The following COPZ1 variants were observed in gnomAD, a reference collection of about 807,000 sequenced individuals.
COPZ1 encodes coatomer subunit zeta-1.
COPZ1 carries 4 observed loss-of-function variants against 31.7 expected under a neutral mutation model. The observed-to-expected ratio is 0.13, with a 90% CI of 0.06 to 0.29. The LOEUF (loss-of-function observed/expected upper bound fraction) is 0.29. COPZ1 is among the 10% of genes least tolerant of loss of function. The pLI, the probability that COPZ1 is intolerant of heterozygous loss-of-function variation, is 1.00. For missense variants in COPZ1, 156 were observed against 211.5 expected (o/e 0.74, Z 1.63); for synonymous variants, 74 against 79.0 (o/e 0.94, Z 0.33).
intron 1 of COPZ1, among the ~76,000 whole-genome samples, chr12:54,332,338 G>T (rs781069336): frequency 2.6e-5 from 4 of 151,940 alleles, no homozygotes; most frequent in Non-Finnish European, 4.4e-5. Context: ...CAACAGACAG[G>T]CTTTCTGAGT....
At chr12:54,337,971 G>A (rs1170850903) in intron 1 of COPZ1, among the ~76,000 whole-genome samples, 3 of 152,184 alleles carry the variant, frequency 2.0e-5, no homozygotes, top group Non-Finnish European at 2.9e-5. Context: ...TCTCTTTGCC[G>A]GTGTGGCTGT....
chr12:54,342,529 T>C, intron 3 of COPZ1: 1 of 527,192 alleles, frequency 1.9e-6, no homozygotes, highest in South Asian at 2.2e-5. Context: ...GAGCCTCACT[T>C]GACAAATTTA....
chr12:54,327,368 C>T (rs997880857), intron 1 of COPZ1, among the ~76,000 whole-genome samples: 2 of 151,402 alleles, frequency 1.3e-5, no homozygotes, highest in Non-Finnish European at 2.9e-5. Context: ...GTGATCTCAC[C>T]TCACTGCAAC....
intron 1 of COPZ1, 128 bp downstream of exon 1, chr12:54,325,309 T>A (rs1474327505): frequency 3.2e-6 from 4 of 1,255,788 alleles, no homozygotes; most frequent in Non-Finnish European, 4.3e-6. Context: ...TCTGCTGACC[T>A]TTGGAATAAG....
chr12:54,347,225 C>T (rs1014031818), intron 5 of COPZ1, among the ~76,000 whole-genome samples: 11 of 152,160 alleles, frequency 7.2e-5, no homozygotes, highest in Admixed American at 1.3e-4. Context: ...CCACATGCAC[C>T]AACCAACGGA....
intron 4 of COPZ1, among the ~76,000 whole-genome samples, chr12:54,344,439 C>T (rs150297014): frequency 2.8e-3 from 426 of 152,196 alleles, no homozygotes; most frequent in Non-Finnish European, 5.1e-3. Context: ...ATTAGCTGGG[C>T]GTGGTGCGGG....
At chr12:54,341,574 G>A (rs544907829) in intron 2 of COPZ1, among the ~76,000 whole-genome samples, 1 of 152,308 alleles carries the variant, frequency 6.6e-6, no homozygotes, top group South Asian at 2.1e-4. Flanking sequence ...ACCTGTCATG[G>A]GTCTTCAGCT....
intron 1 of COPZ1, among the ~76,000 whole-genome samples, chr12:54,326,031 G>A (rs1429130177): frequency 6.6e-6 from 1 of 150,964 alleles, no homozygotes; most frequent in East Asian, 1.9e-4. Flanking sequence ...ATGTTGGCCA[G>A]GCTGGTTTCG....
intron 1 of COPZ1, among the ~76,000 whole-genome samples, chr12:54,334,528 CCCT>C (rs1418342503): frequency 6.6e-6 from 1 of 151,916 alleles, no homozygotes; most frequent in Non-Finnish European, 1.5e-5. Flanking sequence ...CAAATTGGAG[CCCT>C]TAACCCCAGA....
At chr12:54,350,346 C>T (rs1424769501) in intron 8 of COPZ1, 130 bp from the exon 9 acceptor site, 1 of 825,150 alleles carries the variant, frequency 1.2e-6, no homozygotes, top group Admixed American at 1.7e-5. Context: ...CATCTCTTTA[C>T]CCTTGGGGAT....
At chr12:54,330,127 T>C (rs1953723478) in intron 1 of COPZ1, among the ~76,000 whole-genome samples, 1 of 152,094 alleles carries the variant, frequency 6.6e-6, no homozygotes, top group Admixed American at 6.6e-5. Flanking sequence ...GCTGTGGAGA[T>C]ATATTTCTCA....
At position 54,350,975 on chromosome 12, in the gene COPZ1, G is replaced by T. The variant is rs1954137550; in HGVS notation, c.*452G>T. ...GAGAATTCTTTTCTATAGAACGAGTGGGGGCGGGGATGGGTAGGGATTTAT... is the reference window on the plus strand; with the variant it reads ...GAGAATTCTTTTCTATAGAACGAGTTGGGGCGGGGATGGGTAGGGATTTAT... On this transcript the variant is annotated 3_prime_UTR_variant, in exon 9 of 9. Transcript: ENST00000262061. 1 of 189,148 alleles carries T rather than the reference G, an allele frequency of 5.3e-6. No homozygotes were observed. Among genetic ancestry groups the T allele is most frequent in the Non-Finnish European group, 1.1e-5 (1 of 88,064 alleles). 11.7% of individuals were successfully genotyped at this position (189,148 alleles called of 1,614,324 possible).
At chr12:54,339,020 G>A (rs564671897) in intron 1 of COPZ1, among the ~76,000 whole-genome samples, 62 of 152,202 alleles carry the variant, frequency 4.1e-4, no homozygotes, top group African/African-American at 1.4e-3. Context: ...ACATACTTTT[G>A]TGTTTGGCTC....
chr12:54,342,100 A>G (rs1238501444), intron 2 of COPZ1, 106 bp from the exon 3 acceptor site: 9 of 776,722 alleles, frequency 1.2e-5, no homozygotes, highest in Non-Finnish European at 2.1e-5. Flanking sequence ...CCCTTGCCCC[A>G]TGCCTTGAAG....
chr12:54,344,503 G>C (rs949483320), intron 4 of COPZ1: 2 of 152,354 alleles, frequency 1.3e-5, no homozygotes, highest in African/African-American at 4.8e-5. Context: ...GCATGAACCT[G>C]GGAGGCGGAG....
chr12:54,338,975 A>AT (rs1291444319), intron 1 of COPZ1, among the ~76,000 whole-genome samples: 7 of 152,020 alleles, frequency 4.6e-5, no homozygotes, highest in Non-Finnish European at 8.8e-5. Flanking sequence ...CTTGGCAATG[A>AT]TTTTTTCCTC....
At chr12:54,329,546 C>G (rs541217786) in intron 1 of COPZ1, among the ~76,000 whole-genome samples, 1 of 152,268 alleles carries the variant, frequency 6.6e-6, no homozygotes, top group African/African-American at 2.4e-5. Context: ...GGCCATTGCA[C>G]TCCAGCCTGG....
intron 5 of COPZ1, chr12:54,346,594 G>GT: frequency 1.4e-6 from 1 of 700,690 alleles, no homozygotes; most frequent in South Asian, 1.5e-5. Context: ...TCTAGTCCTT[G>GT]TTTTTTCCCT....
intron 2 of COPZ1, 99 bp from the exon 3 acceptor site, chr12:54,342,107 G>C (rs551159817): frequency 3.6e-6 from 3 of 832,476 alleles, no homozygotes; most frequent in Admixed American, 1.9e-5. Flanking sequence ...CCCATGCCTT[G>C]AAGGAGAGAA....
Sources: allele counts gnomAD v4.1 joint callset (sites outside exome capture counted in the v4.1 genomes callset), GRCh38; gene constraint gnomAD v4.1.1; transcripts MANE v1.5; gene names NCBI Gene and HGNC (gene_info 2026-07-23, HGNC 2026-07-21).